UTRN: variants seen among roughly 807,000 people sequenced by gnomAD.
UTRN encodes utrophin.
UTRN carries 283 observed loss-of-function variants against 463.9 expected under a neutral mutation model. The ratio of observed to expected loss-of-function variants is 0.61; its 90% confidence interval spans 0.55 to 0.67. UTRN has a LOEUF of 0.67. UTRN is among the 30% of genes least tolerant of loss of function. The pLI is 0.00. For synonymous variants in UTRN, 1,442 were observed against 1,431.5 expected (o/e 1.01, Z -0.17); for missense variants, 3,922 against 4,084.3 (o/e 0.96, Z 1.08).
At chr6:144,715,840 C>T (rs1156702246) in intron 53 of UTRN, among the ~76,000 whole-genome samples, 1 of 151,510 alleles carries the variant, frequency 6.6e-6, no homozygotes, top group Admixed American at 6.6e-5. Context: ...AGAGCTATAC[C>T]CAAGGGAACA....
intron 50 of UTRN, among the ~76,000 whole-genome samples, chr6:144,571,790 C>A (rs746229063): frequency 2.6e-5 from 4 of 151,974 alleles, no homozygotes; most frequent in Non-Finnish European, 5.9e-5. Context: ...ATTGCTAATC[C>A]CTCCCACATT....
intron 61 of UTRN, among the ~76,000 whole-genome samples, chr6:144,788,192 T>C (rs958725008): frequency 6.6e-6 from 1 of 152,160 alleles, no homozygotes; most frequent in Non-Finnish European, 1.5e-5. Flanking sequence ...ATTAATACAT[T>C]CTGGTTTTAA....
intron 51 of UTRN, among the ~76,000 whole-genome samples, chr6:144,652,525 A>G (rs1292041374): frequency 6.6e-6 from 1 of 152,232 alleles, no homozygotes; most frequent in Non-Finnish European, 1.5e-5. Context: ...TGAAAGATAA[A>G]GCGATGCTTC....
At chr6:144,499,541 T>G (rs1162926908) in intron 34 of UTRN, 114 bp downstream of exon 34, 1 of 796,940 alleles carries the variant, frequency 1.3e-6, no homozygotes, top group Non-Finnish European at 1.8e-6. Flanking sequence ...TAGCCTTTTC[T>G]TTTTTGCATT....
At chr6:144,833,897 T>G (rs1780884445) in intron 69 of UTRN, among the ~76,000 whole-genome samples, 1 of 152,214 alleles carries the variant, frequency 6.6e-6, no homozygotes. Context: ...CATATCTCCC[T>G]GCCAGTCTGT....
intron 2 of UTRN, among the ~76,000 whole-genome samples, chr6:144,312,445 T>C (rs992939100): frequency 6.6e-6 from 1 of 151,858 alleles, no homozygotes; most frequent in Non-Finnish European, 1.5e-5. Context: ...AAAAGCAATT[T>C]GGAACATAGA....
chr6:144,542,776 G>C lies in UTRN; in HGVS notation c.6520-19G>C, dbSNP rs1372649140. 1 of 1,609,800 alleles carries C rather than the reference G, an allele frequency of 6.2e-7. No individual in the cohort carries two copies. The highest frequency in any genetic ancestry group is 8.5e-7 in the Non-Finnish European group (1 of 1,178,436). On this transcript the variant is annotated intron_variant, in intron 45 of 74. Coordinates refer to ENST00000367545, the MANE Select transcript of UTRN (RefSeq NM_007124.3). ...ATTTACGTAGTATTCTTCTCTTTCT[G>C]TTTGTCCTGATGCGGTAGATTTGCA...
intron 51 of UTRN, among the ~76,000 whole-genome samples, chr6:144,586,638 G>A (rs754266991): frequency 6.6e-6 from 1 of 151,934 alleles, no homozygotes; most frequent in Non-Finnish European, 1.5e-5. Context: ...ATTAGAACTG[G>A]GTTATTTGTG....
At chr6:144,599,377 A>T (rs186644439) in intron 51 of UTRN, among the ~76,000 whole-genome samples, 1 of 152,314 alleles carries the variant, frequency 6.6e-6, no homozygotes, top group Admixed American at 6.5e-5. Context: ...AGTGAGGGAC[A>T]CACTGGGTTG....
At chr6:144,327,692 C>T (rs1447727259) in intron 2 of UTRN, among the ~76,000 whole-genome samples, 1 of 152,046 alleles carries the variant, frequency 6.6e-6, no homozygotes, top group African/African-American at 2.4e-5. Flanking sequence ...GCCTGTAATC[C>T]CAGCGCTTTG....
intron 56 of UTRN, among the ~76,000 whole-genome samples, chr6:144,753,311 T>G (rs988017464): frequency 6.6e-6 from 1 of 152,172 alleles, no homozygotes; most frequent in African/African-American, 2.4e-5. Context: ...GAGAACTAAC[T>G]ATAGAATGTG....
At chr6:144,725,522 AATTAT>A (rs1477665610) in intron 53 of UTRN, among the ~76,000 whole-genome samples, 2 of 152,238 alleles carry the variant, frequency 1.3e-5, no homozygotes, top group Non-Finnish European at 2.9e-5. Context: ...GAAAAATTCC[AATTAT>A]ATTATGTTAT....
In UTRN at chr6:144,352,940, C is replaced by T. The variant is rs138009583; in HGVS notation, c.80-50183C>T. Reference sequence around the variant, plus strand: ...TTCTCATCTATTTATGTTTCTTCTTCTTCTTTTTCTTTTTTTCTTTGAGAC... The same window carrying T: ...TTCTCATCTATTTATGTTTCTTCTTTTTCTTTTTCTTTTTTTCTTTGAGAC... On this transcript the variant is annotated intron_variant, in intron 2 of 74. Coordinates refer to ENST00000367545, the MANE Select transcript of UTRN (RefSeq NM_007124.3). 3.7e-3 allele frequency among the ~76,000 whole-genome samples: 562 copies of T among 151,958 alleles called. 3 individuals carry two copies. Among genetic ancestry groups the T allele is most frequent in the African/African-American group, 0.012 (501 of 41,460 alleles).
chr6:144,792,569 A>G (rs1303373111), intron 62 of UTRN, among the ~76,000 whole-genome samples: 1 of 152,140 alleles, frequency 6.6e-6, no homozygotes, highest in Non-Finnish European at 1.5e-5. Flanking sequence ...GAGAGAGAGA[A>G]AATGATGCAT....
intron 65 of UTRN, among the ~76,000 whole-genome samples, chr6:144,820,219 A>G (rs548870688): frequency 6.6e-6 from 1 of 152,250 alleles, no homozygotes; most frequent in East Asian, 1.9e-4. Flanking sequence ...TTATCAAACT[A>G]ATCATTTAGA....
intron 65 of UTRN, among the ~76,000 whole-genome samples, chr6:144,819,911 C>CCTCTCTCTCT (rs1554406067): frequency 3.4e-4 from 40 of 118,528 alleles, no homozygotes; most frequent in African/African-American, 1.2e-3. Flanking sequence ...TCCTCCTCCT[C>CCTCTCTCTCT]CTCTCTCTCT....
intron 52 of UTRN, among the ~76,000 whole-genome samples, chr6:144,689,019 G>A (rs2128690743): frequency 6.6e-6 from 1 of 152,220 alleles, no homozygotes; most frequent in South Asian, 2.1e-4. Context: ...CTCCTGTCAG[G>A]CCAGCAGGAA....
chr6:144,595,742 G>T (rs1803577240), intron 51 of UTRN, among the ~76,000 whole-genome samples: 1 of 152,182 alleles, frequency 6.6e-6, no homozygotes, highest in Admixed American at 6.5e-5. Context: ...TGCTGGGAAG[G>T]CTTGAAGAAG....
intron 51 of UTRN, among the ~76,000 whole-genome samples, chr6:144,671,521 A>G (rs1259939866): frequency 6.6e-6 from 1 of 151,980 alleles, no homozygotes; most frequent in Non-Finnish European, 1.5e-5. Context: ...TATTTATCAG[A>G]TCTGGGAGCT....
Sources: gnomAD v4.1 joint callset for allele counts (sites outside exome capture counted in the v4.1 genomes callset) on GRCh38, gnomAD v4.1.1 for gene constraint, MANE v1.5 for transcripts, NCBI Gene and HGNC (gene_info 2026-07-23, HGNC 2026-07-21) for gene names.